Variants in COL4A5 observed in about 807,000 individuals in gnomAD.
The protein encoded by COL4A5 is collagen type IV alpha 5 chain.
Under a neutral mutation model 130.2 loss-of-function variants are expected in COL4A5, and 26 were observed. The observed-to-expected ratio is 0.20, with a 90% confidence interval of 0.15 to 0.28. The LOEUF (loss-of-function observed/expected upper bound fraction) is 0.28. COL4A5 is among the 10% of genes least tolerant of loss of function. The pLI is 1.00. For synonymous variants in COL4A5, 496 were observed against 439.6 expected, an observed-to-expected ratio of 1.13 and a Z score of -1.60; for missense variants, 1,131 against 1,344.3, an observed-to-expected ratio of 0.84 and a Z score of 2.48.
At chrX:108,444,783 G>A (rs1207928020) in intron 1 of COL4A5, among the ~76,000 whole-genome samples, 1 of 111,751 alleles carries the variant, frequency 8.9e-6, no homozygotes, top group African/African-American at 3.3e-5. Context: ...GATTCATAAT[G>A]ATACATCTGA....
intron 37 of COL4A5, among the ~76,000 whole-genome samples, chrX:108,656,092 A>G (rs2067836053): frequency 8.9e-6 from 1 of 112,097 alleles, no homozygotes; most frequent in Non-Finnish European, 1.9e-5. Flanking sequence ...CTAAGTACAT[A>G]TATGTCTTTG....
intron 36 of COL4A5, among the ~76,000 whole-genome samples, chrX:108,644,114 A>G (rs1221754759): frequency 1.8e-5 from 2 of 112,347 alleles, no homozygotes; most frequent in Non-Finnish European, 3.8e-5. Context: ...TAAACTTTAA[A>G]GCAACAACAG....
chrX:108,632,864 G>A (rs1240625052), intron 36 of COL4A5, among the ~76,000 whole-genome samples: 4 of 111,475 alleles, frequency 3.6e-5, no homozygotes, highest in Admixed American at 1.9e-4. Flanking sequence ...CAAACCCACA[G>A]CCAGTATCAT....
At chrX:108,504,307 C>T (rs1026006910) in intron 1 of COL4A5, among the ~76,000 whole-genome samples, 12 of 111,666 alleles carry the variant, frequency 1.1e-4, no homozygotes, top group African/African-American at 3.9e-4. Flanking sequence ...AGGAAAAACT[C>T]TTCTGGACAT....
intron 1 of COL4A5, among the ~76,000 whole-genome samples, chrX:108,518,565 A>T (rs1052542882): frequency 2.7e-5 from 3 of 110,496 alleles, no homozygotes; most frequent in Non-Finnish European, 5.7e-5. Context: ...TAGGCCTCTC[A>T]CCTCCTTTCT....
At chrX:108,569,115 A>G in intron 6 of COL4A5, 1 of 221,882 alleles carries the variant, frequency 4.5e-6, no homozygotes, top group East Asian at 7.7e-5. Flanking sequence ...TATATGTTTC[A>G]AATATTATAT....
At position 108,591,180 on chromosome X, in the gene COL4A5, G is replaced by A. The variant is rs1189855000; in HGVS notation, c.1288G>A (p.Ala430Thr). The change falls in exon 20 of 53, where the codon GCT becomes ACT. Residue 430 changes from alanine to threonine, a missense_variant. By Grantham distance (58) the Ala-to-Thr change is moderately conservative. Transcript: ENST00000328300. ...GPPGLDGQPG[A>T]PGLPGPPGPA... is the part of the protein sequence containing the mutation. ...TCCTGGACTTGACGGACAGCCTGGG[G>A]CTCCTGGGCTTCCAGGGCCTCCTGG... is the stretch of plus-strand genomic sequence containing the variant. 3 of 1,210,149 alleles carry A rather than the reference G, an allele frequency of 2.5e-6. No individual in the cohort carries two copies.
chrX:108,632,179 A>G (rs992534791), intron 36 of COL4A5, among the ~76,000 whole-genome samples: 2 of 111,780 alleles, frequency 1.8e-5, no homozygotes, highest in African/African-American at 6.5e-5. Context: ...ACAAACTACC[A>G]TCAGAGAATA....
chrX:108,609,316 G>A (rs1215910408), intron 29 of COL4A5, among the ~76,000 whole-genome samples: 2 of 111,797 alleles, frequency 1.8e-5, no homozygotes, highest in Admixed American at 1.9e-4. Context: ...GTGTGTGGTA[G>A]CATCATATTG....
At chrX:108,621,921 A>G (rs768010865) in intron 32 of COL4A5, 29 bp downstream of exon 32, 1 of 1,038,027 alleles carries the variant, frequency 9.6e-7, no homozygotes, top group Non-Finnish European at 1.4e-6. Flanking sequence ...TGCCAGACGT[A>G]TGTGAGAGGG....
chrX:108,540,928 G>T (rs2065530161), intron 2 of COL4A5, among the ~76,000 whole-genome samples: 1 of 112,059 alleles, frequency 8.9e-6, no homozygotes, highest in Non-Finnish European at 1.9e-5. Context: ...TAGGAGATGG[G>T]ATCATACTCT....
At chrX:108,628,631 A>G (rs1230524621) in intron 36 of COL4A5, among the ~76,000 whole-genome samples, 5 of 112,015 alleles carry the variant, frequency 4.5e-5, no homozygotes, top group Non-Finnish European at 9.4e-5. Context: ...GTAAAAGTAC[A>G]TTATAAATGT....
At chrX:108,494,207 T>TA (rs1419952087) in intron 1 of COL4A5, among the ~76,000 whole-genome samples, 1 of 111,710 alleles carries the variant, frequency 9.0e-6, no homozygotes, top group African/African-American at 3.2e-5. Flanking sequence ...TGAGACTGAA[T>TA]AAAAGATGCT....
At chrX:108,655,553 A>G in intron 37 of COL4A5, 96 bp downstream of exon 37, 1 of 1,008,131 alleles carries the variant, frequency 9.9e-7, no homozygotes, top group South Asian at 2.0e-5. Flanking sequence ...CTTATATTTT[A>G]TTTCCCAATC....
intron 26 of COL4A5, 126 bp downstream of exon 26, chrX:108,601,611 C>T (rs1428966102): frequency 3.9e-6 from 2 of 516,205 alleles, no homozygotes; most frequent in African/African-American, 5.0e-5. Flanking sequence ...GCTGCAGCAA[C>T]CTCCTACTTC....
chrX:108,680,907 A>T lies in COL4A5; in HGVS notation c.4038A>T (p.Val1346=), dbSNP rs767905583. Residue 1346 remains valine (V), a synonymous_variant, in exon 46 of 53, where the codon GTA becomes GTT. Transcript: ENST00000328300. ...GFPGMKGPSG[V]PGSAGPEGEP... is the part of the protein sequence containing the mutation. ...CAGGCATGAAAGGACCCAGTGGAGT[A>T]CCTGGATCAGCTGGCCCTGAGGGGG... is the stretch of plus-strand genomic sequence containing the variant. 3 of 1,209,275 alleles carry T rather than the reference A, an allele frequency of 2.5e-6. No homozygotes were observed. In the African/African-American group the frequency reaches 5.3e-5, roughly 21 times the overall value.
chrX:108,692,744 C>A lies in COL4A5; in HGVS notation c.4529-4C>A. ...TTTACTGTTTTCTCTCCAAATCTTT[C>A]TAGGGACGGCTGGCAGCTGCCTTCG... On this transcript the variant is annotated splice_polypyrimidine_tract_variant and splice_region_variant and intron_variant, in intron 49 of 52. Coordinates refer to ENST00000328300, the MANE Select transcript of COL4A5 (RefSeq NM_033380.3). 8.3e-7 allele frequency: 1 copy of A among 1,210,278 alleles called. No individual in the cohort carries two copies. Among genetic ancestry groups the A allele is most frequent in the South Asian group, 1.8e-5 (1 of 56,942 alleles).
intron 2 of COL4A5, among the ~76,000 whole-genome samples, chrX:108,541,684 G>A (rs953390000): frequency 2.2e-4 from 25 of 112,199 alleles, no homozygotes; most frequent in Non-Finnish European, 3.8e-5. Flanking sequence ...GAATCCTGAA[G>A]TTTATAACTA....
rs577461511 is a variant in COL4A5 at position 108,640,898 on chromosome X, A to T, written c.3247-14433A>T. On this transcript the variant is annotated intron_variant, in intron 36 of 52. Coordinates refer to ENST00000328300, the MANE Select transcript of COL4A5 (RefSeq NM_033380.3). ...ATCAGTTAAAAATAAAATATTTTTAAGTGAAAAAATGAACAAAGGAATTGA... is the reference window on the plus strand; with the variant it reads ...ATCAGTTAAAAATAAAATATTTTTATGTGAAAAAATGAACAAAGGAATTGA... 3.2e-4 allele frequency among the ~76,000 whole-genome samples: 36 copies of T among 111,977 alleles called. No homozygotes were observed. In the South Asian group the frequency reaches 0.013, roughly 41 times the overall value.
Sources: gnomAD v4.1 joint callset for allele counts (sites outside exome capture counted in the v4.1 genomes callset) on GRCh38, gnomAD v4.1.1 for gene constraint, MANE v1.5 for transcripts, NCBI Gene and HGNC (gene_info 2026-07-23, HGNC 2026-07-21) for gene names.